The following RHOJ variants were observed in gnomAD, a reference collection of about 807,000 sequenced individuals.
The protein encoded by RHOJ is rho-related GTP-binding protein RhoJ.
RHOJ carries 11 observed loss-of-function variants against 23.4 expected under a neutral mutation model. The observed-to-expected ratio is 0.47, with a 90% CI of 0.30 to 0.78. RHOJ has a LOEUF of 0.78. Among genes scored for constraint, RHOJ ranks in the 30% least tolerant of loss-of-function variants. The probability of loss-of-function intolerance (pLI) is 0.08; values close to 1 mark genes in which losing one functional copy is unlikely to be tolerated. For missense variants in RHOJ, 254 were observed against 273.4 expected, an observed-to-expected ratio of 0.93 and a Z score of 0.50; for synonymous variants, 102 against 102.7, an observed-to-expected ratio of 0.99 and a Z score of 0.04.
At chr14:63,246,171 C>G (rs958636613) in intron 1 of RHOJ, among the ~76,000 whole-genome samples, 1 of 152,136 alleles carries the variant, frequency 6.6e-6, no homozygotes, top group Admixed American at 6.5e-5. Context: ...CTTTCTCCCT[C>G]CTCTCTCTCA....
intron 1 of RHOJ, among the ~76,000 whole-genome samples, chr14:63,215,113 GTTC>G (rs893713633): frequency 6.6e-6 from 1 of 152,146 alleles, no homozygotes; most frequent in East Asian, 1.9e-4. Flanking sequence ...AAATCCTTCT[GTTC>G]TTCTTCATGC....
chr14:63,239,308 C>T (rs144649319), intron 1 of RHOJ, among the ~76,000 whole-genome samples: 92 of 152,224 alleles, frequency 6.0e-4, no homozygotes, highest in African/African-American at 1.9e-3. Context: ...GACGGGGTTT[C>T]GCCATGTTGG....
chr14:63,217,085 C>CTT (rs71120253), intron 1 of RHOJ, among the ~76,000 whole-genome samples: 36 of 148,844 alleles, frequency 2.4e-4, no homozygotes, highest in East Asian at 1.8e-3. Context: ...TTCTTTTTTT[C>CTT]TTTTTTTTTT....
chr14:63,281,046 C>G lies in RHOJ; in HGVS notation c.313C>G (p.Pro105Ala). ...TTTGATCTGCTTCTCTGTCGTAAAC[C>G]CTGCCTCTTACCACAATGTCCAGGA... Reference protein sequence around the residue: ...VFLICFSVVNPASYHNVQEEW... With the variant: ...VFLICFSVVNAASYHNVQEEW... The change falls in exon 3 of 5, where the codon CCT (proline) becomes GCT (alanine). Residue 105 changes from proline (P) to alanine (A), a missense_variant. Physicochemically the swap from Pro to Ala is conservative, Grantham distance 27. Transcript: ENST00000316754. 2 of 1,614,138 alleles carry G rather than the reference C, an allele frequency of 1.2e-6. No individual in the cohort carries two copies. Among genetic ancestry groups the G allele is most frequent in the South Asian group, 2.2e-5 (2 of 91,078 alleles).
intron 1 of RHOJ, among the ~76,000 whole-genome samples, chr14:63,232,729 C>G (rs1425689240): frequency 7.4e-6 from 1 of 134,932 alleles, no homozygotes; most frequent in African/African-American, 2.9e-5. Context: ...CAGGGTCTCA[C>G]TCTGTCACCC....
intron 1 of RHOJ, among the ~76,000 whole-genome samples, chr14:63,266,587 G>T (rs2139652878): frequency 6.6e-6 from 1 of 152,234 alleles, no homozygotes; most frequent in Non-Finnish European, 1.5e-5. Flanking sequence ...CCATTTGTTT[G>T]TATCATCTAT....
chr14:63,266,804 C>T (rs1304869837), intron 1 of RHOJ, among the ~76,000 whole-genome samples: 2 of 152,162 alleles, frequency 1.3e-5, no homozygotes, highest in Non-Finnish European at 2.9e-5. Flanking sequence ...AGCCTTTTGG[C>T]AGAGTCTTTA....
At chr14:63,270,485 G>A (rs901229121) in intron 2 of RHOJ, among the ~76,000 whole-genome samples, 1 of 152,088 alleles carries the variant, frequency 6.6e-6, no homozygotes, top group Non-Finnish European at 1.5e-5. Flanking sequence ...CAAGACATAC[G>A]ACTAAGAAAG....
chr14:63,291,294 C>CA lies in RHOJ; in HGVS notation c.*273dup. On this transcript the variant is annotated 3_prime_UTR_variant, in exon 5 of 5. Transcript: ENST00000316754. The stretch of plus-strand genomic sequence containing the variant: ...GTGCCGCTGCTGATCGCATCAAAAA[C>CA]AAAGTCAAAGGCCATCTCACATTTT... The CA allele has an allele frequency of 2.2e-6, 1 of 462,388 alleles. No homozygotes were observed. The highest frequency in any genetic ancestry group is 2.1e-5 in the South Asian group (1 of 47,292). 28.6% of individuals were successfully genotyped at this position (462,388 alleles called of 1,614,324 possible).
intron 1 of RHOJ, among the ~76,000 whole-genome samples, chr14:63,232,828 C>T (rs957552964): frequency 6.6e-6 from 1 of 151,632 alleles, no homozygotes; most frequent in Non-Finnish European, 1.5e-5. Context: ...TCCCAAGTAG[C>T]TGGGACCATA....
chr14:63,284,501 T>C (rs914604248), intron 4 of RHOJ: 2 of 307,202 alleles, frequency 6.5e-6, no homozygotes, highest in African/African-American at 4.5e-5. Flanking sequence ...ACATAGCTAA[T>C]AACAAAGTCA....
At chr14:63,279,229 A>T (rs1400597891) in intron 2 of RHOJ, among the ~76,000 whole-genome samples, 1 of 152,260 alleles carries the variant, frequency 6.6e-6, no homozygotes, top group Non-Finnish European at 1.5e-5. Flanking sequence ...TTATTAACCC[A>T]TCTCTATGAA....
intron 1 of RHOJ, among the ~76,000 whole-genome samples, chr14:63,247,328 T>C (rs902875756): frequency 3.9e-5 from 6 of 152,190 alleles, no homozygotes; most frequent in Non-Finnish European, 8.8e-5. Context: ...GCTCACCAAA[T>C]GTATCTGAGC....
intron 1 of RHOJ, among the ~76,000 whole-genome samples, chr14:63,212,224 G>A (rs1894252968): frequency 6.6e-6 from 1 of 152,168 alleles, no homozygotes; most frequent in Non-Finnish European, 1.5e-5. Context: ...ACACTGCATA[G>A]GAGTTTATTT....
At chr14:63,209,379 C>T (rs1242908390) in intron 1 of RHOJ, among the ~76,000 whole-genome samples, 3 of 152,162 alleles carry the variant, frequency 2.0e-5, no homozygotes, top group East Asian at 1.9e-4. Context: ...ACACTCTCCT[C>T]ATCAGTGTTT....
chr14:63,262,003 A>G lies in RHOJ; in HGVS notation c.179-7107A>G, dbSNP rs942033066. Reference sequence around the variant, plus strand: ...GCATGCCTCATTCTAACTAGCAAACACAGTACACTAGACACAATAATGCAG... The same window carrying G: ...GCATGCCTCATTCTAACTAGCAAACGCAGTACACTAGACACAATAATGCAG... On this transcript the variant is annotated intron_variant, in intron 1 of 4. Coordinates refer to ENST00000316754, the MANE Select transcript of RHOJ (RefSeq NM_020663.5). Among the ~76,000 whole-genome samples the G allele has an allele frequency of 9.2e-5, 14 of 152,190 alleles. 1 individual carries two copies. The highest frequency in any genetic ancestry group is 2.6e-4 in the Admixed American group (4 of 15,280).
chr14:63,215,766 G>C (rs745858139), intron 1 of RHOJ, among the ~76,000 whole-genome samples: 7 of 152,042 alleles, frequency 4.6e-5, no homozygotes, highest in Non-Finnish European at 1.0e-4. Flanking sequence ...AATTTTCTTT[G>C]TTTATTTAAT....
In RHOJ at chr14:63,292,377, T is replaced by C. The variant is rs1340738700; in HGVS notation, c.*1353T>C. 2 of 152,214 alleles carry C rather than the reference T, an allele frequency of 1.3e-5. No homozygotes were observed. Among genetic ancestry groups the C allele is most frequent in the South Asian group, 2.1e-4 (1 of 4,834 alleles). 9.4% of individuals were successfully genotyped at this position (152,214 alleles called of 1,614,324 possible). On this transcript the variant is annotated 3_prime_UTR_variant, in exon 5 of 5. Transcript: ENST00000316754. ...CAGTAAGGAATCCTGTGCCCAATGA[T>C]GTAAAACAATTCCAAACATCCAGGA...
At chr14:63,225,227 A>T (rs1455054787) in intron 1 of RHOJ, among the ~76,000 whole-genome samples, 1 of 152,204 alleles carries the variant, frequency 6.6e-6, no homozygotes, top group African/African-American at 2.4e-5. Context: ...CTGAGATTAC[A>T]GGCGCAAGCC....
Sources: gnomAD v4.1 joint callset for allele counts (sites outside exome capture counted in the v4.1 genomes callset) on GRCh38, gnomAD v4.1.1 for gene constraint, MANE v1.5 for transcripts, NCBI Gene and HGNC (gene_info 2026-07-23, HGNC 2026-07-21) for gene names.